The following STRA6 variants were observed in gnomAD, a reference collection of about 807,000 sequenced individuals.
STRA6 encodes the protein receptor for retinol uptake STRA6.
In STRA6, 48 loss-of-function variants were observed where a neutral mutation model predicts 83.6. That is an observed-to-expected ratio of 0.57 (90% CI 0.46 to 0.73). The LOEUF is 0.73. Among genes scored for constraint, STRA6 ranks in the 30% least tolerant of loss-of-function variants. STRA6 has a pLI of 0.00. For synonymous variants in STRA6, 353 were observed against 362.3 expected, an observed-to-expected ratio of 0.97 and a Z score of 0.29; for missense variants, 760 against 838.8, an observed-to-expected ratio of 0.91 and a Z score of 1.16.
In STRA6 at chr15:74,195,608, C is replaced by A. The variant is rs1016454371; in HGVS notation, c.430+44G>T. ...GTGGGCAAGAACACTAGGTTCAAAT[C>A]CAGGCTCTGACTAGTCTCAACTCTG... On this transcript the variant is annotated intron_variant, in intron 6 of 18. Coordinates refer to ENST00000395105, the MANE Select transcript of STRA6 (RefSeq NM_022369.4). 3.2e-6 allele frequency: 5 copies of A among 1,552,386 alleles called. No individual in the cohort carries two copies. In the Admixed American group the frequency reaches 7.8e-5, roughly 24 times the overall value.
At chr15:74,191,872 C>G (rs2142035633) in intron 8 of STRA6, 13 of 376,634 alleles carry the variant, frequency 3.5e-5, no homozygotes, top group South Asian at 3.0e-4. Context: ...ACGGGCACAT[C>G]CTAGACCAGG....
upstream of STRA6, among the ~76,000 whole-genome samples, chr15:74,206,442 C>T (rs886808887): frequency 3.9e-5 from 6 of 152,192 alleles, no homozygotes; most frequent in African/African-American, 1.4e-4. Flanking sequence ...GGGAAGACGG[C>T]AGGAGGCAAG....
At chr15:74,211,517 C>T (rs933073314), upstream of STRA6, among the ~76,000 whole-genome samples, 6 of 150,494 alleles carry the variant, frequency 4.0e-5, no homozygotes, top group Admixed American at 2.0e-4. Context: ...TCTCCTGCTT[C>T]GGCCTCCCGA....
intron 13 of STRA6, among the ~76,000 whole-genome samples, chr15:74,184,749 C>A (rs1024830219): frequency 6.6e-6 from 1 of 152,234 alleles, no homozygotes; most frequent in Non-Finnish European, 1.5e-5. Context: ...GTTGGTGGTG[C>A]CCTATGTCCC....
intron 2 of STRA6, among the ~76,000 whole-genome samples, chr15:74,200,091 G>A (rs2073989248): frequency 6.6e-6 from 1 of 152,138 alleles, no homozygotes; most frequent in African/African-American, 2.4e-5. Flanking sequence ...GTGGTGGCAC[G>A]CACCTGTAAT....
intron 3 of STRA6, 83 bp from the exon 4 acceptor site, chr15:74,197,506 A>G: frequency 8.0e-7 from 1 of 1,246,988 alleles, no homozygotes; most frequent in South Asian, 1.3e-5. Flanking sequence ...CTCAGGCCCC[A>G]GGATATCCCC....
intron 6 of STRA6, 81 bp from the exon 7 acceptor site, chr15:74,195,549 C>G: frequency 6.3e-7 from 1 of 1,581,972 alleles, no homozygotes; most frequent in Non-Finnish European, 8.6e-7. Flanking sequence ...GGCCTCTCTT[C>G]GGTCTCCAGC....
intron 7 of STRA6, 123 bp from the exon 8 acceptor site, chr15:74,194,045 C>T: frequency 6.7e-7 from 1 of 1,493,184 alleles, no homozygotes; most frequent in Non-Finnish European, 9.2e-7. Flanking sequence ...CATGGGAAGG[C>T]TTCAGCTCTA....
At chr15:74,185,383 T>C (rs974041896) in intron 12 of STRA6, among the ~76,000 whole-genome samples, 2 of 152,260 alleles carry the variant, frequency 1.3e-5, no homozygotes, top group Admixed American at 6.5e-5. Flanking sequence ...CACTGCTTCT[T>C]GGCCATGTGG....
In STRA6 at chr15:74,196,148, C is replaced by A. The variant is rs773297007; in HGVS notation, c.267-1G>T. ...GTCCCCAGCCAAGAAATCCACAGGG[C>A]TAGCACAGAGGCAAGGACAGGGCAG... On this transcript the variant is annotated splice_acceptor_variant, in intron 4 of 18. Transcript: ENST00000395105. LOFTEE classifies it high-confidence loss of function. 1.4e-5 allele frequency: 23 copies of A among 1,613,706 alleles called. No homozygotes were observed. Among genetic ancestry groups the A allele is most frequent in the Admixed American group, 5.0e-5 (3 of 60,020 alleles).
chr15:74,194,461 T>C (rs1045853411), intron 7 of STRA6: 5 of 879,524 alleles, frequency 5.7e-6, no homozygotes, highest in African/African-American at 3.6e-5. Context: ...AGCCACCAAG[T>C]TCCCCCTCTC....
intron 2 of STRA6, among the ~76,000 whole-genome samples, chr15:74,200,080 C>T (rs2073988430): frequency 6.6e-6 from 1 of 152,082 alleles, no homozygotes; most frequent in Non-Finnish European, 1.5e-5. Context: ...ATTAGCTGGG[C>T]GTGGTGGCAC....
chr15:74,186,617 C>A (rs1463876226), intron 12 of STRA6, among the ~76,000 whole-genome samples: 1 of 148,918 alleles, frequency 6.7e-6, no homozygotes, highest in African/African-American at 2.5e-5. Flanking sequence ...CAAAACAAAA[C>A]AAAATTAGCC....
At chr15:74,196,674 G>GGGCA (rs1159356461) in intron 4 of STRA6, among the ~76,000 whole-genome samples, 1 of 152,206 alleles carries the variant, frequency 6.6e-6, no homozygotes, top group Non-Finnish European at 1.5e-5. Context: ...GCCCCAGCCA[G>GGGCA]GGCAAGCTCT....
chr15:74,181,731 G>C (rs1426920576), intron 16 of STRA6, among the ~76,000 whole-genome samples: 2 of 152,168 alleles, frequency 1.3e-5, no homozygotes, highest in Admixed American at 1.3e-4. Context: ...AGGTCCATCT[G>C]AGTCTTTCTA....
chr15:74,191,316 G>T, intron 9 of STRA6, 73 bp from the exon 10 acceptor site: 1 of 1,609,806 alleles, frequency 6.2e-7, no homozygotes, highest in Non-Finnish European at 8.5e-7. Flanking sequence ...CCAGAGGCTG[G>T]TCATTCTTCC....
At position 74,184,030 on chromosome 15, in the gene STRA6, C is replaced by T. The variant is rs1595827749; in HGVS notation, c.1167-41G>A. 1.9e-6 allele frequency: 3 copies of T among 1,608,342 alleles called. No homozygotes were observed. In the African/African-American group the frequency reaches 4.0e-5, roughly 21 times the overall value. On this transcript the variant is annotated intron_variant, in intron 13 of 18. Coordinates refer to ENST00000395105, the MANE Select transcript of STRA6 (RefSeq NM_022369.4). Reference sequence around the variant, plus strand: ...GGGAGGCAGAGACCTCAGGGAGCAACACACTCTTCCTAAATCCTCCTCTGG... The same window carrying T: ...GGGAGGCAGAGACCTCAGGGAGCAATACACTCTTCCTAAATCCTCCTCTGG...
intron 16 of STRA6, among the ~76,000 whole-genome samples, chr15:74,181,720 T>C (rs1303617604): frequency 2.0e-5 from 3 of 152,144 alleles, no homozygotes; most frequent in Non-Finnish European, 4.4e-5. Flanking sequence ...GCTTTAACTC[T>C]AGGTCCATCT....
intron 6 of STRA6, 64 bp downstream of exon 6, chr15:74,195,588 C>A (rs562527124): frequency 8.3e-6 from 13 of 1,558,278 alleles, no homozygotes; most frequent in Non-Finnish European, 1.1e-5. Flanking sequence ...GTTCAGTGGG[C>A]AAGAACACTA....
Sources: allele counts gnomAD v4.1 joint callset (sites outside exome capture counted in the v4.1 genomes callset), GRCh38; gene constraint gnomAD v4.1.1; transcripts MANE v1.5; gene names NCBI Gene and HGNC (gene_info 2026-07-23, HGNC 2026-07-21).